The following MEI4 variants were observed in gnomAD, a reference collection of about 807,000 sequenced individuals.
MEI4 encodes the protein meiotic double-stranded break formation protein 4.
In MEI4, 27 loss-of-function variants were observed where a neutral mutation model predicts 31.4. The ratio of observed to expected loss-of-function variants is 0.86; its 90% CI spans 0.63 to 1.19. The LOEUF (loss-of-function observed/expected upper bound fraction) is 1.19. MEI4 is among the 50% of genes most tolerant of loss of function. MEI4 has a pLI of 0.00. For synonymous variants in MEI4, 122 were observed against 145.4 expected (o/e 0.84, Z 1.16); for missense variants, 329 against 398.9 (o/e 0.82, Z 1.49).
chr6:77,768,708 A>G (rs1768235843), intron 3 of MEI4, among the ~76,000 whole-genome samples: 1 of 152,192 alleles, frequency 6.6e-6, no homozygotes, highest in African/African-American at 2.4e-5. Flanking sequence ...TCAAAAAAAA[A>G]AAAAAAATTA....
intron 1 of MEI4, among the ~76,000 whole-genome samples, chr6:77,680,795 A>G (rs1323199152): frequency 6.6e-6 from 1 of 152,188 alleles, no homozygotes; most frequent in Non-Finnish European, 1.5e-5. Context: ...AAGCCATGAC[A>G]CACTGTCAGT....
chr6:77,869,509 A>C (rs919220345), intron 4 of MEI4, among the ~76,000 whole-genome samples: 1 of 152,106 alleles, frequency 6.6e-6, no homozygotes, highest in Non-Finnish European at 1.5e-5. Context: ...AGGGAAAGCC[A>C]CGTGAAGGGG....
In MEI4 at chr6:77,820,754, G is replaced by C. The variant is rs770421589; in HGVS notation, c.769-8177G>C. Among the ~76,000 whole-genome samples, 35 of 150,740 alleles carry C rather than the reference G, an allele frequency of 2.3e-4. No individual in the cohort carries two copies. Among genetic ancestry groups the C allele is most frequent in the Non-Finnish European group, 4.7e-4 (32 of 67,716 alleles). ...AGATCAAAGATGTATGGCTTTTATT[G>C]TTGCTATTAATTATGTTGTCAGTCT... On this transcript the variant is annotated intron_variant, in intron 3 of 4. Transcript: ENST00000684080. This position sits in a 1 kb window ranked among gnomAD's most constrained non-coding sequence, Gnocchi z 4.5.
At chr6:77,846,524 G>A (rs759602400) in intron 4 of MEI4, among the ~76,000 whole-genome samples, 4 of 152,006 alleles carry the variant, frequency 2.6e-5, no homozygotes, top group Non-Finnish European at 5.9e-5. Context: ...TTTCTCATAG[G>A]ATCTGTATCA....
intron 3 of MEI4, among the ~76,000 whole-genome samples, chr6:77,789,311 A>G (rs1768845410): frequency 1.3e-5 from 2 of 152,194 alleles, no homozygotes; most frequent in Admixed American, 1.3e-4. Flanking sequence ...CCTAGAAGAA[A>G]ACCTAGGCAA....
At chr6:77,813,383 T>C (rs1439163474) in intron 3 of MEI4, among the ~76,000 whole-genome samples, 1 of 152,078 alleles carries the variant, frequency 6.6e-6, no homozygotes, top group Non-Finnish European at 1.5e-5. Context: ...AACACATATA[T>C]ACAAACCTAC....
At chr6:77,671,972 T>C (rs751528658) in intron 1 of MEI4, among the ~76,000 whole-genome samples, 4 of 152,108 alleles carry the variant, frequency 2.6e-5, no homozygotes, top group African/African-American at 9.7e-5. Context: ...TTACTGGGCG[T>C]GTAGGGAGTG....
intron 4 of MEI4, among the ~76,000 whole-genome samples, chr6:77,834,241 T>A (rs1041050613): frequency 1.3e-5 from 2 of 151,946 alleles, no homozygotes; most frequent in African/African-American, 4.8e-5. Flanking sequence ...AGAAAATGTT[T>A]TTATGAAGAT....
intron 1 of MEI4, among the ~76,000 whole-genome samples, chr6:77,679,986 A>G (rs1274201369): frequency 6.6e-6 from 1 of 151,142 alleles, no homozygotes; most frequent in Non-Finnish European, 1.5e-5. Flanking sequence ...TGATCTGCCC[A>G]CCTTGGCCTC....
intron 3 of MEI4, among the ~76,000 whole-genome samples, chr6:77,770,007 G>A (rs1768271958): frequency 6.6e-6 from 1 of 151,752 alleles, no homozygotes; most frequent in African/African-American, 2.4e-5. Flanking sequence ...TTGCAGCCTG[G>A]TACCAGCTTG....
intron 3 of MEI4, among the ~76,000 whole-genome samples, chr6:77,801,452 T>A (rs1349791378): frequency 5.3e-5 from 8 of 152,298 alleles, no homozygotes; most frequent in Non-Finnish European, 7.3e-5. Flanking sequence ...CTGGATTCAT[T>A]GATTTTTTGA....
intron 4 of MEI4, among the ~76,000 whole-genome samples, chr6:77,835,396 AC>A (rs1562006606): frequency 1.6e-4 from 22 of 136,192 alleles, no homozygotes; most frequent in East Asian, 4.0e-4. Context: ...ACACACACAC[AC>A]ACACACAAAT....
intron 4 of MEI4, among the ~76,000 whole-genome samples, chr6:77,834,210 C>A (rs1770152166): frequency 6.6e-6 from 1 of 151,820 alleles, no homozygotes; most frequent in Non-Finnish European, 1.5e-5. Flanking sequence ...ACATTTATTT[C>A]TTTCTATGGA....
Position 77,924,467 on chromosome 6 carries a change from A to C in MEI4, c.*1121A>C, listed in dbSNP as rs1226430165. The C allele has an allele frequency of 6.6e-6, 1 of 151,712 alleles. No homozygotes were observed. The highest frequency in any genetic ancestry group is 1.5e-5 in the Non-Finnish European group (1 of 67,848). The allele number at this position is 151,712 out of a possible 1,614,324, so 9.4% of individuals were successfully genotyped here. A position where few individuals can be genotyped will look rare whatever the true frequency, so the allele number is the denominator to read the frequency against. On this transcript the variant is annotated 3_prime_UTR_variant, in exon 5 of 5. Transcript: ENST00000684080. Reference sequence around the variant, plus strand: ...TCAGTCAGCTTTTGTTATGTGACAGATAGATAATCAATCACAAAATATCTA... The same window carrying C: ...TCAGTCAGCTTTTGTTATGTGACAGCTAGATAATCAATCACAAAATATCTA...
rs9448194 is a variant in MEI4, at chr6:77,744,318, G to C, written c.233-16812G>C. 5.5e-4 allele frequency among the ~76,000 whole-genome samples: 84 copies of C among 152,254 alleles called. 2 individuals are homozygous for C. The highest frequency in any genetic ancestry group is 1.9e-3 in the African/African-American group (81 of 41,552). On this transcript the variant is annotated intron_variant, in intron 2 of 4. Coordinates refer to ENST00000684080, the MANE Select transcript of MEI4 (RefSeq NM_001322247.2). ...AGCCAAGGCTCGAGAACTACGTGAA[G>C]AATGCAGAAGCCTCAGGAGCCGATG...
rs530300736 is a variant in MEI4, at chr6:77,744,689, G to T, written c.233-16441G>T. On this transcript the variant is annotated intron_variant, in intron 2 of 4. Coordinates refer to ENST00000684080, the MANE Select transcript of MEI4 (RefSeq NM_001322247.2). ...TTGTCAGATTCACCAAAGTTGAAAT[G>T]AAGGAAAAATTGTTAAGGGCAGCCA... Among the ~76,000 whole-genome samples, 4 of 152,306 alleles carry T rather than the reference G, an allele frequency of 2.6e-5. 1 individual carries two copies. The East Asian group carries it at 7.7e-4, about 29-fold the overall frequency.
At position 77,761,218 on chromosome 6, in the gene MEI4, G is replaced by A. The variant is rs570560619; in HGVS notation, c.321G>A (p.Ser107=). 18 of 1,232,344 alleles carry A rather than the reference G, an allele frequency of 1.5e-5. No individual in the cohort carries two copies. Among genetic ancestry groups the A allele is most frequent in the East Asian group, 3.2e-5 (1 of 31,692 alleles). 76.3% of individuals were successfully genotyped at this position (1,232,344 alleles called of 1,614,324 possible). Residue 107 remains serine (S), a synonymous_variant, in exon 3 of 5, where the codon TCG becomes TCA. Transcript: ENST00000684080. ...TGGAAGATTCTGGATGTGATTTGTC[G>A]AATGAGCAGAGAACTGAATCCTCAG... ...TSMEDSGCDL[S]NEQRTESSDL...
chr6:77,834,890 AC>A (rs1770177740), intron 4 of MEI4, among the ~76,000 whole-genome samples: 2 of 152,088 alleles, frequency 1.3e-5, no homozygotes, highest in Admixed American at 1.3e-4. Flanking sequence ...ATATAAGTAA[AC>A]AGGTTAGTAA....
chr6:77,919,077 T>C (rs1331569980), intron 4 of MEI4, among the ~76,000 whole-genome samples: 1 of 151,948 alleles, frequency 6.6e-6, no homozygotes, highest in African/African-American at 2.4e-5. Context: ...CTGTCAACAT[T>C]AGACAGATCA....
Sources: allele counts gnomAD v4.1 joint callset (sites outside exome capture counted in the v4.1 genomes callset), GRCh38; gene constraint gnomAD v4.1.1; non-coding constraint Gnocchi (gnomAD v3.1); transcripts MANE v1.5; gene names NCBI Gene and HGNC (gene_info 2026-07-23, HGNC 2026-07-21).